The following SCRN1 variants were observed in gnomAD, a reference collection of about 807,000 sequenced individuals.
The protein encoded by SCRN1 is secernin-1.
A neutral mutation model predicts 43.3 loss-of-function variants in SCRN1; 19 were observed. The observed-to-expected ratio is 0.44, with a 90% CI of 0.31 to 0.64. The LOEUF (loss-of-function observed/expected upper bound fraction) is 0.64. Ranked by LOEUF, SCRN1 falls within the 30% of genes least tolerant of loss-of-function variation. The pLI, the probability that SCRN1 is intolerant of heterozygous loss-of-function variation, is 0.09. For synonymous variants in SCRN1, 183 were observed against 188.9 expected (o/e 0.97, Z 0.26); for missense variants, 447 against 524.1 (o/e 0.85, Z 1.44).
At chr7:29,966,145 G>C (rs1346294232) in intron 2 of SCRN1, among the ~76,000 whole-genome samples, 6 of 134,934 alleles carry the variant, frequency 4.4e-5, no homozygotes, top group Admixed American at 8.1e-5. Context: ...GACAGAGAGA[G>C]AGAGACCGAG....
At chr7:29,980,383 C>T (rs1477218517) in intron 1 of SCRN1, among the ~76,000 whole-genome samples, 1 of 152,122 alleles carries the variant, frequency 6.6e-6, no homozygotes, top group Non-Finnish European at 1.5e-5. Context: ...CCATTGTGTC[C>T]ACTAATTTGG....
intron 1 of SCRN1, among the ~76,000 whole-genome samples, chr7:29,984,062 C>T (rs1012068328): frequency 3.9e-5 from 6 of 151,990 alleles, no homozygotes; most frequent in African/African-American, 9.7e-5. Context: ...AAAAATCAGT[C>T]GGGCGTGGTG....
At chr7:29,947,674 G>A (rs1787778256) in intron 3 of SCRN1, among the ~76,000 whole-genome samples, 1 of 152,222 alleles carries the variant, frequency 6.6e-6, no homozygotes, top group African/African-American at 2.4e-5. Context: ...CTAGAAGCAG[G>A]AAGGTAATGC....
chr7:29,963,878 G>A (rs1233447979), intron 2 of SCRN1, among the ~76,000 whole-genome samples: 2 of 152,216 alleles, frequency 1.3e-5, no homozygotes, highest in African/African-American at 4.8e-5. Flanking sequence ...ATAGGAAAGT[G>A]CAGAACTTTT....
chr7:29,928,703 G>GC (rs199640047), intron 6 of SCRN1, among the ~76,000 whole-genome samples: 3,440 of 152,090 alleles, frequency 0.023, 59 homozygotes, highest in East Asian at 0.068. Context: ...ATCAAAAGAA[G>GC]ACCCCCTAAA....
chr7:29,952,293 A>G (rs138931482), intron 3 of SCRN1, among the ~76,000 whole-genome samples: 1 of 152,284 alleles, frequency 6.6e-6, no homozygotes, highest in East Asian at 1.9e-4. Context: ...TACTTTGAGA[A>G]CCACTACTCT....
At chr7:29,981,099 A>G (rs1788980050) in intron 1 of SCRN1, among the ~76,000 whole-genome samples, 1 of 152,124 alleles carries the variant, frequency 6.6e-6, no homozygotes, top group Non-Finnish European at 1.5e-5. Context: ...ATTTTCTAAA[A>G]TCTGATCATT....
chr7:29,986,313 A>G (rs1427736272), intron 1 of SCRN1, among the ~76,000 whole-genome samples: 1 of 152,232 alleles, frequency 6.6e-6, no homozygotes, highest in Admixed American at 6.5e-5. Flanking sequence ...AGTAAAGAGA[A>G]ACTCATGGAA....
Position 29,923,674 on chromosome 7 carries a change from G to C in SCRN1, c.*283C>G, listed in dbSNP as rs546850944. 1.3e-5 allele frequency: 4 copies of C among 298,508 alleles called. No homozygotes were observed. The South Asian group carries it at 2.3e-4, about 17-fold the overall frequency. The allele number at this position is 298,508 out of a possible 1,614,324, so 18.5% of individuals were successfully genotyped here. On this transcript the variant is annotated 3_prime_UTR_variant, in exon 8 of 8. Transcript: ENST00000242059. The stretch of plus-strand genomic sequence containing the variant: ...CTTGTAAAAGGCTAATGTGTCCATT[G>C]CCACTGAAATACAATAATAGCAGCT...
Position 29,989,689 on chromosome 7 carries a change from G to C in SCRN1, c.-49C>G. On this transcript the variant is annotated 5_prime_UTR_variant, in exon 1 of 8. Coordinates refer to ENST00000242059, the MANE Select transcript of SCRN1 (RefSeq NM_014766.5). ...CCGCTCTCCGCTCTGCGGTGCTGAG[G>C]CTGCGGCCGCCGAGGGTGCGGGTGC... is the stretch of plus-strand genomic sequence containing the variant. The C allele has an allele frequency of 4.1e-6, 4 of 985,778 alleles. No homozygotes were observed. Among genetic ancestry groups the C allele is most frequent in the Non-Finnish European group, 3.6e-6 (3 of 830,218 alleles). The allele number at this position is 985,778 out of a possible 1,614,324, so 61.1% of individuals were successfully genotyped here. A position where few individuals can be genotyped will look rare whatever the true frequency, so the allele number is the denominator to read the frequency against.
intron 2 of SCRN1, among the ~76,000 whole-genome samples, chr7:29,967,291 G>T (rs550592046): frequency 1.4e-3 from 208 of 151,986 alleles, no homozygotes; most frequent in African/African-American, 4.9e-3. Context: ...ACATAAATAA[G>T]TGATTATCTC....
intron 1 of SCRN1, among the ~76,000 whole-genome samples, chr7:29,982,516 C>CA (rs1353516019): frequency 6.6e-6 from 1 of 151,438 alleles, no homozygotes; most frequent in Non-Finnish European, 1.5e-5. Context: ...CCTATCTCTA[C>CA]AAAAAAATAA....
intron 1 of SCRN1, among the ~76,000 whole-genome samples, chr7:29,984,204 C>CAAAAAAAAAAAAAAAAAAAAAAAAA (rs55733700): frequency 2.0e-5 from 2 of 98,252 alleles, no homozygotes; most frequent in Non-Finnish European, 4.1e-5. Flanking sequence ...AGACAGTCTC[C>CAAAAAAAAAAAAAAAAAAAAAAAAA]AAAAAAAAAA....
chr7:29,974,673 CT>C (rs1460873882), intron 1 of SCRN1, among the ~76,000 whole-genome samples: 5 of 147,050 alleles, frequency 3.4e-5, no homozygotes, highest in Admixed American at 3.4e-4. Flanking sequence ...TTACACGATT[CT>C]TTCTTTCTTT....
chr7:29,929,408 A>G (rs528387023), intron 6 of SCRN1, among the ~76,000 whole-genome samples: 5 of 152,200 alleles, frequency 3.3e-5, no homozygotes, highest in African/African-American at 1.2e-4. Flanking sequence ...TTCAATCCCC[A>G]TGCCACTCCA....
rs145459960 is a variant in SCRN1 at position 29,922,956 on chromosome 7, T to C, written c.*1001A>G. 1 of 152,342 alleles carries C rather than the reference T, an allele frequency of 6.6e-6. No individual in the cohort carries two copies. The highest frequency in any genetic ancestry group is 1.5e-5 in the Non-Finnish European group (1 of 68,038). The allele number at this position is 152,342 out of a possible 1,614,324, so 9.4% of individuals were successfully genotyped here. On this transcript the variant is annotated 3_prime_UTR_variant, in exon 8 of 8. Coordinates refer to ENST00000242059, the MANE Select transcript of SCRN1 (RefSeq NM_014766.5). The stretch of plus-strand genomic sequence containing the variant: ...AATTAAAGTCTCTCTGCTGAGATAA[T>C]GTAGTGACTGCTAGGATTCCAGATA...
At chr7:29,960,962 A>G (rs555557995) in intron 2 of SCRN1, among the ~76,000 whole-genome samples, 1 of 152,284 alleles carries the variant, frequency 6.6e-6, no homozygotes, top group East Asian at 1.9e-4. Flanking sequence ...ACTAAAGAAT[A>G]TAAAATTGGG....
chr7:29,949,223 G>C (rs974454611), intron 3 of SCRN1, among the ~76,000 whole-genome samples: 2 of 151,582 alleles, frequency 1.3e-5, no homozygotes, highest in African/African-American at 4.8e-5. Flanking sequence ...GCTGAGGCAG[G>C]AGAATGGCGT....
Position 29,936,642 on chromosome 7 carries a change from G to A in SCRN1, c.819C>T (p.Leu273=), listed in dbSNP as rs528269187. 3.5e-5 allele frequency: 56 copies of A among 1,608,082 alleles called. No individual in the cohort carries two copies. Among genetic ancestry groups the A allele is most frequent in the Non-Finnish European group, 4.7e-5 (55 of 1,175,232 alleles). Residue 273 remains leucine (L), a synonymous_variant, in exon 6 of 8, where the codon CTC becomes CTT. Coordinates refer to ENST00000242059, the MANE Select transcript of SCRN1 (RefSeq NM_014766.5). ...GGACAGACACTCCACTGGCTGTGGT[G>A]AGGAAAAACTCAGAGTCTATGCACA... ...SGVCIDSEFF[L]TTASGVSVLP...
Sources: gnomAD v4.1 joint callset for allele counts (sites outside exome capture counted in the v4.1 genomes callset) on GRCh38, gnomAD v4.1.1 for gene constraint, MANE v1.5 for transcripts, NCBI Gene and HGNC (gene_info 2026-07-23, HGNC 2026-07-21) for gene names.